The following SHKBP1 variants were observed in gnomAD, a reference collection of about 807,000 sequenced individuals.
SHKBP1 encodes the protein SH3KBP1 binding protein 1, also known as SH3KBP1-binding protein 1.
In SHKBP1, 71 loss-of-function variants were observed where a neutral mutation model predicts 83.9. The observed-to-expected ratio is 0.85, with a 90% CI of 0.70 to 1.03. The LOEUF (loss-of-function observed/expected upper bound fraction) is 1.03. Among genes scored for constraint, SHKBP1 ranks in the 50% least tolerant of loss-of-function variants. SHKBP1 has a pLI of 0.00. For missense variants in SHKBP1, 824 were observed against 982.4 expected (o/e 0.84, Z 2.16); for synonymous variants, 371 against 398.0 (o/e 0.93, Z 0.81).
chr19:40,590,612 C>A lies in SHKBP1; in HGVS notation c.1769-118C>A. 1.5e-6 allele frequency: 2 copies of A among 1,362,856 alleles called. No individual in the cohort carries two copies. The highest frequency in any genetic ancestry group is 2.0e-6 in the Non-Finnish European group (2 of 1,000,968). 84.4% of individuals were successfully genotyped at this position (1,362,856 alleles called of 1,614,324 possible). ...CCTGTCTCAGCCTCTGGCCCCCATG[C>A]ATTGATCTCTGCTTCCTCTCTCCTG... On this transcript the variant is annotated intron_variant, in intron 16 of 17. Transcript: ENST00000291842. The surrounding 1 kb of genome is among the most constrained non-coding windows in gnomAD (Gnocchi z 4.6).
Position 40,583,183 on chromosome 19 carries a change from G to A in SHKBP1, c.961-215G>A, listed in dbSNP as rs534156429. Reference sequence around the variant, plus strand: ...AAATTAAAACTTTAAAAAGTACAGAGTCCAGGAGAGGCCAAGAGTCAGACA... The same window carrying A: ...AAATTAAAACTTTAAAAAGTACAGAATCCAGGAGAGGCCAAGAGTCAGACA... On this transcript the variant is annotated intron_variant, in intron 10 of 17. Coordinates refer to ENST00000291842, the MANE Select transcript of SHKBP1 (RefSeq NM_138392.4). 3.9e-4 allele frequency among the ~76,000 whole-genome samples: 60 copies of A among 152,178 alleles called. No individual in the cohort carries two copies. In the South Asian group the frequency reaches 0.011, roughly 28 times the overall value.
chr19:40,591,288 G>A lies in SHKBP1; in HGVS notation c.*81G>A. The A allele has an allele frequency of 7.9e-7, 1 of 1,269,686 alleles. No individual in the cohort carries two copies. The highest frequency in any genetic ancestry group is 1.1e-6 in the Non-Finnish European group (1 of 928,224). The allele number at this position is 1,269,686 out of a possible 1,614,324, so 78.7% of individuals were successfully genotyped here. The stretch of plus-strand genomic sequence containing the variant: ...CTCCCTGATTCCTGTGGGAACCCCG[G>A]GTTCAGGGCCAGGGCCTCCTTGGAA... On this transcript the variant is annotated 3_prime_UTR_variant, in exon 18 of 18. Coordinates refer to ENST00000291842, the MANE Select transcript of SHKBP1 (RefSeq NM_138392.4).
intron 1 of SHKBP1, 54 bp downstream of exon 1, chr19:40,577,039 G>C (rs1302867671): frequency 1.5e-6 from 2 of 1,333,296 alleles, no homozygotes; most frequent in Non-Finnish European, 2.0e-6. Flanking sequence ...AGCGGGGTGG[G>C]AGTATCCGCC....
chr19:40,578,224 C>G lies in SHKBP1; in HGVS notation c.319+12C>G, dbSNP rs767140672. 1 of 1,612,976 alleles carries G rather than the reference C, an allele frequency of 6.2e-7. No individual in the cohort carries two copies. The highest frequency in any genetic ancestry group is 8.5e-7 in the Non-Finnish European group (1 of 1,178,968). On this transcript the variant is annotated intron_variant, in intron 5 of 17. Transcript: ENST00000291842. ...GCTCACTCCTCTGGGTAAGTGGGAGCCCCCAGCTATCATCCTCATTGTATA... is the reference window on the plus strand; with the variant it reads ...GCTCACTCCTCTGGGTAAGTGGGAGGCCCCAGCTATCATCCTCATTGTATA...
rs1307859538 is a variant in SHKBP1 at position 40,590,715 on chromosome 19, T to A, written c.1769-15T>A. On this transcript the variant is annotated splice_polypyrimidine_tract_variant and intron_variant, in intron 16 of 17. Transcript: ENST00000291842. This position sits in a 1 kb window ranked among gnomAD's most constrained non-coding sequence, Gnocchi z 4.6. ...CCCCTGTCTTGCCCCCTGACCCTGC[T>A]TCCGTGCCCCCCAGCAGGTGGCCTG... The A allele has an allele frequency of 6.4e-7, 1 of 1,571,840 alleles. No homozygotes were observed. Among genetic ancestry groups the A allele is most frequent in the Non-Finnish European group, 8.7e-7 (1 of 1,153,856 alleles).
chr19:40,578,822 C>T (rs1295883065), intron 6 of SHKBP1, among the ~76,000 whole-genome samples: 1 of 152,012 alleles, frequency 6.6e-6, no homozygotes, highest in Non-Finnish European at 1.5e-5. Flanking sequence ...CTTTGGAAGA[C>T]CTGGGATTCT....
At chr19:40,578,035 A>G in intron 4 of SHKBP1, 119 bp from the exon 5 acceptor site, 1 of 820,330 alleles carries the variant, frequency 1.2e-6, no homozygotes, top group Non-Finnish European at 2.1e-6. Flanking sequence ...TAGCATCTTT[A>G]TTCCATCAAA....
At position 40,580,432 on chromosome 19, in the gene SHKBP1, A is replaced by G. The variant is rs772003289; in HGVS notation, c.509A>G (p.Asn170Ser). The G allele has an allele frequency of 1.9e-6, 3 of 1,614,046 alleles. No homozygotes were observed. Among genetic ancestry groups the G allele is most frequent in the Non-Finnish European group, 2.5e-6 (3 of 1,180,018 alleles). Residue 170 changes from asparagine to serine, a missense_variant, in exon 7 of 18, where the codon AAT (asparagine) becomes AGT (serine). By Grantham distance (46) the Asn-to-Ser change is conservative. Around this residue, in one of 3 missense-constraint regions of SHKBP1, gnomAD observed 355 missense variants for 386.4 expected, o/e 0.92. Coordinates refer to ENST00000291842, the MANE Select transcript of SHKBP1 (RefSeq NM_138392.4). Reference protein sequence around the residue: ...RSNTMPPNLGNAGLLGRMLDE... With the variant: ...RSNTMPPNLGSAGLLGRMLDE... ...AACACGATGCCCCCCAACCTTGGCA[A>G]TGCAGGGCTGCTGGGCCGAATGCTG...
In SHKBP1 at chr19:40,588,749, C is replaced by A; in HGVS notation, c.1462C>A (p.His488Asn). 1.2e-6 allele frequency: 2 copies of A among 1,613,852 alleles called. No homozygotes were observed. The highest frequency in any genetic ancestry group is 8.5e-7 in the Non-Finnish European group (1 of 1,180,020). ...KILALESADG[H>N]GGCSAGNDIG... is the part of the protein sequence containing the mutation. ...CCTGGCTCTGGAGTCGGCAGATGGG[C>A]ATGGCGGCTGCAGTGCTGGCAATGA... The change falls in exon 14 of 18, where the codon CAT becomes AAT. Residue 488 changes from histidine to asparagine, a missense_variant. This residue lies in a region of SHKBP1 where 287 missense variants were observed against 322.9 expected (regional missense o/e 0.89). Transcript: ENST00000291842.
rs2081339051 is a variant in SHKBP1 at position 40,589,472 on chromosome 19, G to C, written c.1589+294G>C. 7.1e-5 allele frequency among the ~76,000 whole-genome samples: 9 copies of C among 126,182 alleles called. No homozygotes were observed. In the South Asian group the frequency reaches 2.6e-3, roughly 37 times the overall value. 82.8% of individuals were successfully genotyped at this position (126,182 alleles called of 152,430 possible). On this transcript the variant is annotated intron_variant, in intron 15 of 17. Transcript: ENST00000291842. Reference sequence around the variant, plus strand: ...CAGGGTGGGATGGGGGGCCCAGGCGGAGGGGGAGGGGTGGGATGGGGGCCC... The same window carrying C: ...CAGGGTGGGATGGGGGGCCCAGGCGCAGGGGGAGGGGTGGGATGGGGGCCC...
Position 40,577,647 on chromosome 19 carries a change from G to T in SHKBP1, c.260+17G>T, listed in dbSNP as rs759972024. On this transcript the variant is annotated intron_variant, in intron 4 of 17. Coordinates refer to ENST00000291842, the MANE Select transcript of SHKBP1 (RefSeq NM_138392.4). ...GGATCCCAGGTTGGCATGGAAAAAG[G>T]GGAGGGAGTCCCTCACTGTCTTCAG... 7.4e-6 allele frequency: 12 copies of T among 1,613,964 alleles called. No homozygotes were observed. The South Asian group carries it at 1.2e-4, about 16-fold the overall frequency.
chr19:40,576,964 A>G lies in SHKBP1; in HGVS notation c.65A>G (p.His22Arg), dbSNP rs747797304. Residue 22 changes from histidine (H) to arginine (R), a missense_variant, in exon 1 of 18, where the codon CAT (histidine) becomes CGT (arginine). Transcript: ENST00000291842. ...CGGGGGCCTCCCGGGGAAGTCATTC[A>G]TCTGAATGTGGGAGGCAAGAGGTGA... ...PSRGPPGEVIHLNVGGKRFST... is the reference protein window; with the variant it reads ...PSRGPPGEVIRLNVGGKRFST... 2.6e-6 allele frequency: 4 copies of G among 1,510,664 alleles called. No individual in the cohort carries two copies. Among genetic ancestry groups the G allele is most frequent in the African/African-American group, 2.8e-5 (2 of 70,362 alleles). The allele number at this position is 1,510,664 out of a possible 1,614,324, so 93.6% of individuals were successfully genotyped here. A position where few individuals can be genotyped will look rare whatever the true frequency, so the allele number is the denominator to read the frequency against.
Position 40,591,246 on chromosome 19 carries a change from C to G in SHKBP1, c.*39C>G. On this transcript the variant is annotated 3_prime_UTR_variant, in exon 18 of 18. Coordinates refer to ENST00000291842, the MANE Select transcript of SHKBP1 (RefSeq NM_138392.4). ...CATGATGCCTTGGGATGCCCTGGTC[C>G]TGGGGGACTCAGGTGCCTCCCTGAT... The G allele has an allele frequency of 6.6e-7, 1 of 1,513,388 alleles. No homozygotes were observed. Among genetic ancestry groups the G allele is most frequent in the African/African-American group, 1.4e-5 (1 of 72,656 alleles). 93.7% of individuals were successfully genotyped at this position (1,513,388 alleles called of 1,614,324 possible).
intron 13 of SHKBP1, among the ~76,000 whole-genome samples, chr19:40,587,763 G>C (rs1351526499): frequency 6.6e-6 from 1 of 152,112 alleles, no homozygotes; most frequent in Non-Finnish European, 1.5e-5. Flanking sequence ...AATTAGCCAA[G>C]TATGGTGGCA....
At chr19:40,581,761 A>G (rs1379008061) in intron 9 of SHKBP1, among the ~76,000 whole-genome samples, 1 of 152,106 alleles carries the variant, frequency 6.6e-6, no homozygotes, top group African/African-American at 2.4e-5. Flanking sequence ...ATCTGTCCCC[A>G]AATAAATCTC....
rs2081286344 is a variant in SHKBP1, at chr19:40,583,460, C to T, written c.1023C>T (p.Cys341=). ...DAAGSFLLLG[C]NNGSIYYVDV... ...CAGGCTCCTTCCTCCTCCTGGGCTG[C>T]AACAACGGCTCCATTTACTACGTGG... Residue 341 remains cysteine, a synonymous_variant, in exon 11 of 18, where the codon TGC becomes TGT. Transcript: ENST00000291842. The T allele has an allele frequency of 6.2e-7, 1 of 1,610,036 alleles. No homozygotes were observed. Among genetic ancestry groups the T allele is most frequent in the Non-Finnish European group, 8.5e-7 (1 of 1,178,366 alleles).
At position 40,577,792 on chromosome 19, in the gene SHKBP1, A is replaced by T. The variant is rs1599836001; in HGVS notation, c.260+162A>T. ...CGGGATTGCTCACGCCTGTAATCCCAACACTTTGGGAGGCCGAGGTGGGAG... is the reference window on the plus strand; with the variant it reads ...CGGGATTGCTCACGCCTGTAATCCCTACACTTTGGGAGGCCGAGGTGGGAG... On this transcript the variant is annotated intron_variant, in intron 4 of 17. Transcript: ENST00000291842. 1.3e-5 allele frequency: 11 copies of T among 874,530 alleles called. No individual in the cohort carries two copies. The East Asian group carries it at 2.6e-4, about 21-fold the overall frequency. The allele number at this position is 874,530 out of a possible 1,614,324, so 54.2% of individuals were successfully genotyped here.
At position 40,578,454 on chromosome 19, in the gene SHKBP1, T is replaced by A. The variant is rs781578686; in HGVS notation, c.320-8T>A. On this transcript the variant is annotated splice_region_variant and splice_polypyrimidine_tract_variant and intron_variant, in intron 5 of 17. Coordinates refer to ENST00000291842, the MANE Select transcript of SHKBP1 (RefSeq NM_138392.4). Reference sequence around the variant, plus strand: ...CTAAGTCCCAGCCTTTAAGTCCTCCTGTTGCAGTTCGTCGCCTGCAGCTTC... The same window carrying A: ...CTAAGTCCCAGCCTTTAAGTCCTCCAGTTGCAGTTCGTCGCCTGCAGCTTC... 2 of 1,614,148 alleles carry A rather than the reference T, an allele frequency of 1.2e-6. No homozygotes were observed. Among genetic ancestry groups the A allele is most frequent in the Non-Finnish European group, 1.7e-6 (2 of 1,179,984 alleles).
chr19:40,583,997 C>T (rs191884681), intron 12 of SHKBP1, among the ~76,000 whole-genome samples: 165 of 152,240 alleles, frequency 1.1e-3, no homozygotes, highest in Admixed American at 2.8e-3. Context: ...CCCACTGCCA[C>T]GCCTGGCTAA....
Sources: allele counts gnomAD v4.1 joint callset (sites outside exome capture counted in the v4.1 genomes callset), GRCh38; gene constraint gnomAD v4.1.1; regional missense constraint gnomAD v4.1.1; non-coding constraint Gnocchi (gnomAD v3.1); transcripts MANE v1.5; gene names NCBI Gene and HGNC (gene_info 2026-07-23, HGNC 2026-07-21).